The following DAB1 variants were observed in gnomAD, a reference collection of about 807,000 sequenced individuals.
DAB1 encodes the protein DAB adaptor protein 1, also known as disabled homolog 1.
In DAB1, 15 loss-of-function variants were observed where a neutral mutation model predicts 64.6. That is an observed-to-expected ratio of 0.23 (90% confidence interval 0.16 to 0.36). The LOEUF is 0.36. Among genes scored for constraint, DAB1 ranks in the 10% least tolerant of loss-of-function variants. The pLI is 1.00. For synonymous variants in DAB1, 235 were observed against 251.9 expected (o/e 0.93, Z 0.64); for missense variants, 596 against 706.7 (o/e 0.84, Z 1.78).
At chr1:57,287,605 A>G (rs1672420055) in intron 2 of DAB1, among the ~76,000 whole-genome samples, 2 of 152,182 alleles carry the variant, frequency 1.3e-5, no homozygotes, top group African/African-American at 4.8e-5. Flanking sequence ...ATAAAAGAGC[A>G]TAACGACATG....
At chr1:57,262,946 C>A (rs1048428335) in intron 2 of DAB1, among the ~76,000 whole-genome samples, 1 of 152,118 alleles carries the variant, frequency 6.6e-6, no homozygotes, top group Non-Finnish European at 1.5e-5. Context: ...TCCATGAGCA[C>A]AACACATGGC....
chr1:57,245,255 T>C (rs1041294073), intron 2 of DAB1, among the ~76,000 whole-genome samples: 1 of 152,170 alleles, frequency 6.6e-6, no homozygotes, highest in Admixed American at 6.5e-5. Context: ...TTGAGTGAGA[T>C]GATTTAGGGT....
At position 57,023,551 on chromosome 1, in the gene DAB1, C is replaced by T. The variant is rs1001310743; in HGVS notation, c.875G>A (p.Gly292Asp). Reference protein sequence around the residue: ...SADVFSSVPFGTAAVPSGYVA... With the variant: ...SADVFSSVPFDTAAVPSGYVA... ...CTTACCTGAGGGTACAGCAGCAGTG[C>T]CGAAAGGTACAGAACTAAACACATC... is the stretch of plus-strand genomic sequence containing the variant. Residue 292 changes from glycine to aspartate, a missense_variant, in exon 11 of 15, where the codon GGC (glycine) becomes GAC (aspartate). By Grantham distance (94) the Gly-to-Asp change is moderately conservative. This residue lies in a region of DAB1 where 377 missense variants were observed against 400.4 expected (regional missense o/e 0.94). Transcript: ENST00000371236. 5.6e-6 allele frequency: 9 copies of T among 1,606,734 alleles called. No individual in the cohort carries two copies. The African/African-American group carries it at 1.1e-4, about 19-fold the overall frequency.
chr1:57,283,240 A>G (rs1311025696), intron 2 of DAB1, among the ~76,000 whole-genome samples: 5 of 152,220 alleles, frequency 3.3e-5, no homozygotes, highest in African/African-American at 9.6e-5. Flanking sequence ...GCTTGACAAC[A>G]TGGTCCATTT....
At chr1:57,873,564 GAAGT>G (rs2101960264) in intron 1 of DAB1, among the ~76,000 whole-genome samples, 2 of 152,298 alleles carry the variant, frequency 1.3e-5, no homozygotes, top group East Asian at 3.9e-4. Flanking sequence ...TAGCCTTGCA[GAAGT>G]AAGTGATTAC....
At chr1:57,841,135 A>T (rs1653030857) in intron 1 of DAB1, among the ~76,000 whole-genome samples, 1 of 152,296 alleles carries the variant, frequency 6.6e-6, no homozygotes, top group South Asian at 2.1e-4. Context: ...GCAAGTCCAA[A>T]ACCCAACAGG....
rs1281718308 is a variant in DAB1, at chr1:57,285,328, G to A, written c.67+5636C>T. On this transcript the variant is annotated intron_variant, in intron 2 of 14. Coordinates refer to ENST00000371236, the MANE Select transcript of DAB1 (RefSeq NM_001365792.1). Reference sequence around the variant, plus strand: ...TTTTTGCCCAGGCTGGAGTGCAATGGCACAATCTCAGCTCACTGCAACCTC... The same window carrying A: ...TTTTTGCCCAGGCTGGAGTGCAATGACACAATCTCAGCTCACTGCAACCTC... Among the ~76,000 whole-genome samples, 5 of 152,034 alleles carry A rather than the reference G, an allele frequency of 3.3e-5. No individual in the cohort carries two copies. In the South Asian group the frequency reaches 8.3e-4, roughly 25 times the overall value.
intron 4 of DAB1, among the ~76,000 whole-genome samples, chr1:58,245,989 AG>A (rs1660510507): frequency 2.0e-5 from 3 of 152,216 alleles, no homozygotes; most frequent in Admixed American, 2.0e-4. Flanking sequence ...TGTAAAGTAA[AG>A]GAGCAATGCC....
At chr1:57,044,882 C>T (rs1274852475) in intron 9 of DAB1, among the ~76,000 whole-genome samples, 1 of 152,174 alleles carries the variant, frequency 6.6e-6, no homozygotes, top group African/African-American at 2.4e-5. Flanking sequence ...ATAATTATAG[C>T]TAATGCTTAG....
intron 5 of DAB1, among the ~76,000 whole-genome samples, chr1:57,922,669 C>T (rs1439286388): frequency 1.3e-5 from 2 of 151,480 alleles, no homozygotes; most frequent in Admixed American, 6.6e-5. Context: ...TTTAGTGAAA[C>T]CCCGTCTCTA....
chr1:58,456,840 A>G (rs1203412122), intron 3 of DAB1, among the ~76,000 whole-genome samples: 1 of 152,108 alleles, frequency 6.6e-6, no homozygotes, highest in Non-Finnish European at 1.5e-5. Flanking sequence ...CTGGAGGTGA[A>G]GCTATGGGCA....
intron 7 of DAB1, among the ~76,000 whole-genome samples, chr1:57,530,320 A>G (rs1324723942): frequency 6.6e-6 from 1 of 152,140 alleles, no homozygotes; most frequent in African/African-American, 2.4e-5. Context: ...TACTCTTACT[A>G]TGTGCAGTAT....
chr1:57,542,359 A>G (rs949787340), intron 7 of DAB1, among the ~76,000 whole-genome samples: 1 of 151,570 alleles, frequency 6.6e-6, no homozygotes, highest in Non-Finnish European at 1.5e-5. Context: ...CAGGCCTGGC[A>G]GTGGGCCACA....
At chr1:57,282,088 C>G (rs963092206) in intron 2 of DAB1, among the ~76,000 whole-genome samples, 3 of 146,882 alleles carry the variant, frequency 2.0e-5, no homozygotes, top group Non-Finnish European at 4.5e-5. Context: ...GAGGCTAAGG[C>G]AGGAGAATCG....
intron 6 of DAB1, among the ~76,000 whole-genome samples, chr1:57,670,699 C>G (rs1646500069): frequency 6.6e-6 from 1 of 152,058 alleles, no homozygotes; most frequent in Non-Finnish European, 1.5e-5. Flanking sequence ...ACTCAGGTAG[C>G]CAGTGAATAC....
intron 7 of DAB1, among the ~76,000 whole-genome samples, chr1:57,510,750 G>C (rs1030273358): frequency 1.1e-4 from 17 of 152,000 alleles, no homozygotes; most frequent in South Asian, 2.1e-4. Context: ...AGCTCTATTT[G>C]TTAAACTTCA....
chr1:57,673,408 C>T (rs1024355501), intron 6 of DAB1, among the ~76,000 whole-genome samples: 1 of 152,042 alleles, frequency 6.6e-6, no homozygotes, highest in Non-Finnish European at 1.5e-5. Flanking sequence ...TACTTCTCTG[C>T]TCCACAAAGT....
In DAB1 at chr1:57,365,568, A is replaced by G. The variant is rs183750040; in HGVS notation, c.-137+58362T>C. On this transcript the variant is annotated intron_variant, in intron 1 of 14. Transcript: ENST00000371236. ...AATACATAATACAACATTAAACCCC[A>G]TAACAGTTTGAAGACACAGGTAATA... Among the ~76,000 whole-genome samples, 27 of 152,036 alleles carry G rather than the reference A, an allele frequency of 1.8e-4. No homozygotes were observed. In the East Asian group the frequency reaches 4.2e-3, roughly 24 times the overall value.
intron 5 of DAB1, among the ~76,000 whole-genome samples, chr1:58,082,585 G>A (rs1035029729): frequency 6.6e-6 from 1 of 152,186 alleles, no homozygotes; most frequent in Admixed American, 6.5e-5. Context: ...GGAAGAAAAG[G>A]TGGTGGAGAG....
Sources: gnomAD v4.1 joint callset for allele counts (sites outside exome capture counted in the v4.1 genomes callset) on GRCh38, gnomAD v4.1.1 for gene constraint, gnomAD v4.1.1 regional missense constraint, MANE v1.5 for transcripts, NCBI Gene and HGNC (gene_info 2026-07-23, HGNC 2026-07-21) for gene names.